Variants in MAP4K3 observed in about 807,000 individuals in gnomAD.
The protein encoded by MAP4K3 is MAPK/ERK kinase kinase kinase 3.
A neutral mutation model predicts 143.5 loss-of-function variants in MAP4K3; 94 were observed. The ratio of observed to expected loss-of-function variants is 0.65; its 90% CI spans 0.55 to 0.78. The LOEUF is 0.78. MAP4K3 is among the 30% of genes least tolerant of loss of function. The pLI is 0.00. For missense variants in MAP4K3, 1,077 were observed against 1,068.1 expected, an observed-to-expected ratio of 1.01 and a Z score of -0.12; for synonymous variants, 416 against 347.2, an observed-to-expected ratio of 1.20 and a Z score of -2.20.
intron 1 of MAP4K3, among the ~76,000 whole-genome samples, chr2:39,398,808 T>C (rs774182209): frequency 4.0e-5 from 6 of 150,542 alleles, no homozygotes; most frequent in Non-Finnish European, 7.4e-5. Context: ...TTTGGGAGGC[T>C]GAGGTGGGTG....
Position 39,251,827 on chromosome 2 carries a change from T to C in MAP4K3, c.2597+3A>G, listed in dbSNP as rs1208327299. 1 of 1,613,136 alleles carries C rather than the reference T, an allele frequency of 6.2e-7. No homozygotes were observed. Among genetic ancestry groups the C allele is most frequent in the African/African-American group, 1.3e-5 (1 of 74,920 alleles). On this transcript the variant is annotated splice_donor_region_variant and intron_variant, in intron 33 of 33. Coordinates refer to ENST00000263881, the MANE Select transcript of MAP4K3 (RefSeq NM_003618.4). Reference sequence around the variant, plus strand: ...GTGTATTTAATACAGTCCGTTTTCATACCTGTCAGATCCAAGCAGCCTGAA... The same window carrying C: ...GTGTATTTAATACAGTCCGTTTTCACACCTGTCAGATCCAAGCAGCCTGAA...
intron 13 of MAP4K3, among the ~76,000 whole-genome samples, chr2:39,313,919 C>T (rs1683028645): frequency 6.6e-6 from 1 of 152,158 alleles, no homozygotes; most frequent in African/African-American, 2.4e-5. Flanking sequence ...TATAAAGGGA[C>T]TGACAATGTA....
At chr2:39,361,358 T>C (rs1437557492) in intron 2 of MAP4K3, among the ~76,000 whole-genome samples, 1 of 152,136 alleles carries the variant, frequency 6.6e-6, no homozygotes, top group African/African-American at 2.4e-5. Context: ...TGTTTACTTA[T>C]ATGTGTGTTT....
chr2:39,286,780 G>T, intron 21 of MAP4K3, 72 bp downstream of exon 21: 1 of 797,780 alleles, frequency 1.3e-6, no homozygotes, highest in African/African-American at 1.7e-5. Flanking sequence ...GTCACTAATT[G>T]TAAGCATAAA....
At chr2:39,378,025 G>A in intron 2 of MAP4K3, 41 bp downstream of exon 2, 1 of 1,154,002 alleles carries the variant, frequency 8.7e-7, no homozygotes, top group Non-Finnish European at 1.3e-6. Flanking sequence ...ATATCCCATG[G>A]CTTTCTAGCA....
At chr2:39,352,228 T>C (rs1419743562) in intron 3 of MAP4K3, among the ~76,000 whole-genome samples, 2 of 151,764 alleles carry the variant, frequency 1.3e-5, no homozygotes, top group Admixed American at 6.6e-5. Flanking sequence ...GAGGTGGAGG[T>C]TGCAGTGAGC....
At chr2:39,408,840 G>A (rs998056331) in intron 1 of MAP4K3, among the ~76,000 whole-genome samples, 1 of 152,164 alleles carries the variant, frequency 6.6e-6, no homozygotes, top group Non-Finnish European at 1.5e-5. Flanking sequence ...AGTAACATCA[G>A]GCAATCTGGC....
chr2:39,422,600 A>G (rs1261707956), intron 1 of MAP4K3, among the ~76,000 whole-genome samples: 7 of 152,222 alleles, frequency 4.6e-5, no homozygotes, highest in Non-Finnish European at 1.0e-4. Context: ...GAGTCCAGAA[A>G]CAGACCCACA....
chr2:39,304,918 G>GA (rs1464985136), intron 15 of MAP4K3, among the ~76,000 whole-genome samples: 29 of 152,200 alleles, frequency 1.9e-4, no homozygotes, highest in Admixed American at 6.5e-5. Flanking sequence ...GAGGAACCCT[G>GA]AAGGTATTAC....
intron 2 of MAP4K3, among the ~76,000 whole-genome samples, chr2:39,358,022 G>C (rs1665659438): frequency 6.6e-6 from 1 of 152,148 alleles, no homozygotes; most frequent in African/African-American, 2.4e-5. Context: ...TTAGGATAAA[G>C]TTAACATGTG....
chr2:39,418,958 C>T (rs1002163181), intron 1 of MAP4K3, among the ~76,000 whole-genome samples: 3 of 152,140 alleles, frequency 2.0e-5, no homozygotes, highest in African/African-American at 7.2e-5. Flanking sequence ...GCTTAGTTAA[C>T]AGTCATGTTC....
At chr2:39,391,286 G>GC (rs1666648005) in intron 1 of MAP4K3, among the ~76,000 whole-genome samples, 2 of 143,454 alleles carry the variant, frequency 1.4e-5, no homozygotes, top group Non-Finnish European at 3.0e-5. Context: ...GTGAACCCAG[G>GC]CGGCAGAGCT....
At chr2:39,337,114 A>G in intron 5 of MAP4K3, 147 bp from the exon 6 acceptor site, 1 of 455,934 alleles carries the variant, frequency 2.2e-6, no homozygotes, top group African/African-American at 2.1e-5. Context: ...TTTTAATGAG[A>G]TATCCTAAAA....
At chr2:39,352,913 TAGAA>T (rs148891305) in intron 3 of MAP4K3, among the ~76,000 whole-genome samples, 6,800 of 152,286 alleles carry the variant, frequency 0.045, 160 homozygotes, top group Middle Eastern at 0.095. Flanking sequence ...AGCAACAACA[TAGAA>T]GGAAGAATGT....
At chr2:39,337,978 G>T (rs1010777083) in intron 4 of MAP4K3, among the ~76,000 whole-genome samples, 1 of 151,778 alleles carries the variant, frequency 6.6e-6, no homozygotes, top group Non-Finnish European at 1.5e-5. Context: ...GCCCAGGCTG[G>T]TATTGAATTT....
At chr2:39,415,980 A>AAAAT (rs1553318573) in intron 1 of MAP4K3, among the ~76,000 whole-genome samples, 2 of 14,756 alleles carry the variant, frequency 1.4e-4, no homozygotes, top group African/African-American at 2.0e-4. Flanking sequence ...AAAAAAAAAA[A>AAAAT]ATATATATAT....
At position 39,331,910 on chromosome 2, in the gene MAP4K3, C is replaced by T; in HGVS notation, c.530+7G>A. On this transcript the variant is annotated splice_region_variant and intron_variant, in intron 8 of 33. Coordinates refer to ENST00000263881, the MANE Select transcript of MAP4K3 (RefSeq NM_003618.4). ...AAAGTATTAAATATCAATTAAAATA[C>T]AATTACCAATATGGTGTGCCAATGA... 1.3e-6 allele frequency: 2 copies of T among 1,537,378 alleles called. No homozygotes were observed. The highest frequency in any genetic ancestry group is 1.8e-6 in the Non-Finnish European group (2 of 1,124,390).
Position 39,337,762 on chromosome 2 carries a change from T to TTTG in MAP4K3, c.311-182_311-181insCAA, listed in dbSNP as rs1665011731. Among the ~76,000 whole-genome samples, 3 of 133,122 alleles carry TTTG rather than the reference T, an allele frequency of 2.3e-5. No individual in the cohort carries two copies. In the South Asian group the frequency reaches 8.2e-4, roughly 36 times the overall value. 87.3% of individuals were successfully genotyped at this position (133,122 alleles called of 152,430 possible). A position where few individuals can be genotyped will look rare whatever the true frequency, so the allele number is the denominator to read the frequency against. On this transcript the variant is annotated intron_variant, in intron 4 of 33. Coordinates refer to ENST00000263881, the MANE Select transcript of MAP4K3 (RefSeq NM_003618.4). ...CTGTGCCTGGCTCCAGTTTTTTTTT[T>TTTG]TTTTTTTTTTTTTTTTTTGAGACAG...
At chr2:39,395,409 T>G (rs761424943) in intron 1 of MAP4K3, among the ~76,000 whole-genome samples, 1 of 152,124 alleles carries the variant, frequency 6.6e-6, no homozygotes, top group Non-Finnish European at 1.5e-5. Context: ...ATTAATAAGC[T>G]TTTCCACTAT....
Sources: gnomAD v4.1 joint callset for allele counts (sites outside exome capture counted in the v4.1 genomes callset) on GRCh38, gnomAD v4.1.1 for gene constraint, MANE v1.5 for transcripts, NCBI Gene and HGNC (gene_info 2026-07-23, HGNC 2026-07-21) for gene names.